Variants in EPHB1 observed in about 807,000 individuals in gnomAD.
EPHB1 encodes ephrin type-B receptor 1.
A neutral mutation model predicts 94.4 loss-of-function variants in EPHB1; 30 were observed. That is an observed-to-expected ratio of 0.32 (90% CI 0.24 to 0.43). The LOEUF (loss-of-function observed/expected upper bound fraction) is 0.43. Among genes scored for constraint, EPHB1 ranks in the 20% least tolerant of loss-of-function variants. The probability of loss-of-function intolerance (pLI) is 1.00; values close to 1 mark genes in which losing one functional copy is unlikely to be tolerated. For synonymous variants in EPHB1, 522 were observed against 489.1 expected (o/e 1.07, Z -0.89); for missense variants, 1,055 against 1,308.3 (o/e 0.81, Z 2.99).
At chr3:135,007,348 GCC>G (rs1356797491) in intron 3 of EPHB1, among the ~76,000 whole-genome samples, 1 of 152,140 alleles carries the variant, frequency 6.6e-6, no homozygotes. Context: ...GTGGTCTCCA[GCC>G]CCTAATCTTA....
chr3:135,012,055 A>G (rs1012117126), intron 3 of EPHB1, among the ~76,000 whole-genome samples: 1 of 152,152 alleles, frequency 6.6e-6, no homozygotes, highest in Non-Finnish European at 1.5e-5. Context: ...AGAGTCTTCT[A>G]TATACGTAAT....
At chr3:134,925,649 A>C (rs2038775415) in intron 1 of EPHB1, among the ~76,000 whole-genome samples, 167 bp from the exon 2 acceptor site, 1 of 152,138 alleles carries the variant, frequency 6.6e-6, no homozygotes, top group African/African-American at 2.4e-5. Flanking sequence ...TTCTTTTGCT[A>C]TCTGAGCCTT....
At chr3:135,134,972 G>A (rs1223888444) in intron 5 of EPHB1, among the ~76,000 whole-genome samples, 1 of 152,076 alleles carries the variant, frequency 6.6e-6, no homozygotes, top group Non-Finnish European at 1.5e-5. Context: ...GACTGCAGTG[G>A]AGCTGGGGGA....
chr3:134,835,868 T>A (rs2036666503), intron 1 of EPHB1, among the ~76,000 whole-genome samples: 1 of 152,220 alleles, frequency 6.6e-6, no homozygotes, highest in South Asian at 2.1e-4. Context: ...AGGGCTCCTG[T>A]TTCCCTGCCC....
chr3:134,910,096 T>C (rs1454850567), intron 1 of EPHB1, among the ~76,000 whole-genome samples: 1 of 152,230 alleles, frequency 6.6e-6, no homozygotes, highest in Non-Finnish European at 1.5e-5. Context: ...ATAAAATGTT[T>C]GCAGTGTAGC....
intron 1 of EPHB1, among the ~76,000 whole-genome samples, chr3:134,863,848 A>C (rs1439495034): frequency 1.3e-5 from 2 of 152,218 alleles, no homozygotes; most frequent in Non-Finnish European, 2.9e-5. Flanking sequence ...CCTATGCCGT[A>C]GACTGCTTTC....
At chr3:135,178,400 G>T (rs1942053993) in intron 9 of EPHB1, among the ~76,000 whole-genome samples, 1 of 142,162 alleles carries the variant, frequency 7.0e-6, no homozygotes, top group South Asian at 2.3e-4. Context: ...AGGTTGCAGT[G>T]AGCCGAGATC....
At chr3:135,178,573 C>T (rs1195399684) in intron 9 of EPHB1, among the ~76,000 whole-genome samples, 1 of 152,014 alleles carries the variant, frequency 6.6e-6, no homozygotes, top group African/African-American at 2.4e-5. Flanking sequence ...CCAAGCAACA[C>T]CAGTTTAGGA....
At chr3:135,071,730 C>T (rs994597099) in intron 3 of EPHB1, among the ~76,000 whole-genome samples, 2 of 152,158 alleles carry the variant, frequency 1.3e-5, no homozygotes, top group African/African-American at 2.4e-5. Context: ...ACATCTCCAT[C>T]CCAGACCTGA....
intron 12 of EPHB1, among the ~76,000 whole-genome samples, chr3:135,229,446 G>C (rs990331101): frequency 5.9e-5 from 9 of 152,180 alleles, no homozygotes; most frequent in African/African-American, 2.2e-4. Context: ...GTTGGAGGGC[G>C]GGGGCAGGAA....
At chr3:134,977,937 T>G in intron 3 of EPHB1, 1 of 455,914 alleles carries the variant, frequency 2.2e-6, no homozygotes. Flanking sequence ...ACTTGCCTGA[T>G]GCCATCCATT....
chr3:134,864,830 G>T (rs148269853), intron 1 of EPHB1, among the ~76,000 whole-genome samples: 2 of 152,300 alleles, frequency 1.3e-5, no homozygotes, highest in African/African-American at 2.4e-5. Flanking sequence ...CAGGCTGACC[G>T]TAGGGGAAGT....
chr3:135,241,613 T>C (rs181437922), intron 13 of EPHB1, among the ~76,000 whole-genome samples: 18 of 152,316 alleles, frequency 1.2e-4, no homozygotes, highest in Admixed American at 1.2e-3. Flanking sequence ...CAGTAAAGTC[T>C]ACCCTGCTTC....
intron 1 of EPHB1, among the ~76,000 whole-genome samples, chr3:134,836,677 A>G (rs546029428): frequency 3.3e-5 from 5 of 152,260 alleles, no homozygotes; most frequent in African/African-American, 7.2e-5. Flanking sequence ...CACTGTTAGT[A>G]TTTTAGTTAT....
chr3:135,210,075 G>A (rs867207922), intron 12 of EPHB1, among the ~76,000 whole-genome samples: 33 of 152,212 alleles, frequency 2.2e-4, no homozygotes, highest in African/African-American at 7.7e-4. Flanking sequence ...GGTTGAAGGA[G>A]TAGAAGAGTT....
In EPHB1 at chr3:134,879,435, G is replaced by A. The variant is rs371566718; in HGVS notation, c.59-46381G>A. Among the ~76,000 whole-genome samples the A allele has an allele frequency of 1.0e-3, 157 of 152,216 alleles. 8 individuals carry two copies. In the South Asian group the frequency reaches 0.031, roughly 30 times the overall value. On this transcript the variant is annotated intron_variant, in intron 1 of 15. Transcript: ENST00000398015. Reference sequence around the variant, plus strand: ...GTGGATCGCTTAAGCTGAGGAGTTTGAGACTAGCCTGGGCAACATGGTGAG... The same window carrying A: ...GTGGATCGCTTAAGCTGAGGAGTTTAAGACTAGCCTGGGCAACATGGTGAG...
At chr3:135,035,043 C>G (rs1936603842) in intron 3 of EPHB1, among the ~76,000 whole-genome samples, 1 of 152,228 alleles carries the variant, frequency 6.6e-6, no homozygotes, top group Non-Finnish European at 1.5e-5. Flanking sequence ...GTAGTGCACT[C>G]CTTCCTACTG....
At chr3:135,024,167 G>T (rs1031082522) in intron 3 of EPHB1, among the ~76,000 whole-genome samples, 1 of 152,150 alleles carries the variant, frequency 6.6e-6, no homozygotes, top group African/African-American at 2.4e-5. Context: ...CTGAAACCAG[G>T]CAGTGATGAA....
chr3:135,121,701 G>A (rs963742044), intron 4 of EPHB1, among the ~76,000 whole-genome samples: 26 of 152,066 alleles, frequency 1.7e-4, no homozygotes, highest in Admixed American at 4.6e-4. Flanking sequence ...CTAAAGGCCT[G>A]GGAGAACCTA....
Sources: allele counts gnomAD v4.1 joint callset (sites outside exome capture counted in the v4.1 genomes callset), GRCh38; gene constraint gnomAD v4.1.1; transcripts MANE v1.5; gene names NCBI Gene and HGNC (gene_info 2026-07-23, HGNC 2026-07-21).